EARS2: variants seen among roughly 807,000 people sequenced by gnomAD.
The protein encoded by EARS2 is glutamyl-tRNA synthetase 2, mitochondrial, also known as nondiscriminating glutamyl-tRNA synthetase EARS2, mitochondrial.
EARS2 carries 50 observed loss-of-function variants against 54.1 expected under a neutral mutation model. The observed-to-expected ratio is 0.92, with a 90% CI of 0.74 to 1.17. The LOEUF is 1.17. Ranked by LOEUF, EARS2 falls within the 50% of genes most tolerant of loss-of-function variation. The pLI is 0.00. For synonymous variants in EARS2, 298 were observed against 281.0 expected, an observed-to-expected ratio of 1.06 and a Z score of -0.61; for missense variants, 673 against 675.0, an observed-to-expected ratio of 1.00 and a Z score of 0.03.
chr16:23,541,329 A>G (rs1291460871), intron 3 of EARS2, among the ~76,000 whole-genome samples: 1 of 152,002 alleles, frequency 6.6e-6, no homozygotes, highest in Non-Finnish European at 1.5e-5. Flanking sequence ...TCCATTTCTA[A>G]AATAACACAA....
chr16:23,537,611 T>C (rs1443838576), intron 3 of EARS2: 1 of 152,136 alleles, frequency 6.6e-6, no homozygotes, highest in Non-Finnish European at 1.5e-5. Flanking sequence ...TCACTCTCGT[T>C]GATCAGGCTG....
rs566348979 is a variant in EARS2 at position 23,550,111 on chromosome 16, G to A, written c.295+2038C>T. Among the ~76,000 whole-genome samples the A allele has an allele frequency of 1.2e-4, 18 of 152,254 alleles. No homozygotes were observed. The South Asian group carries it at 3.5e-3, about 30-fold the overall frequency. On this transcript the variant is annotated intron_variant, in intron 2 of 8. Coordinates refer to ENST00000449606, the MANE Select transcript of EARS2 (RefSeq NM_001083614.2). The stretch of plus-strand genomic sequence containing the variant: ...GCGATGGTTCATGACCGTGATGCCA[G>A]CACTTTGGGAGGCCGAGGCAGGAGA...
intron 3 of EARS2, among the ~76,000 whole-genome samples, chr16:23,535,816 C>T (rs990794245): frequency 6.6e-6 from 1 of 152,108 alleles, no homozygotes; most frequent in South Asian, 2.1e-4. Flanking sequence ...GAGGAAAATC[C>T]CTTCTTAAAA....
chr16:23,528,959 A>G (rs1358482467), intron 7 of EARS2, among the ~76,000 whole-genome samples: 2 of 152,224 alleles, frequency 1.3e-5, no homozygotes, highest in African/African-American at 2.4e-5. Flanking sequence ...AGTGGTCAGC[A>G]TCGGCGAGTA....
chr16:23,538,970 C>G (rs1439915685), intron 3 of EARS2, among the ~76,000 whole-genome samples: 2 of 135,462 alleles, frequency 1.5e-5, no homozygotes, highest in Non-Finnish European at 3.1e-5. Flanking sequence ...TATGGCCCCC[C>G]TCCTTTTTTT....
rs746186859 is a variant in EARS2 at position 23,529,867 on chromosome 16, C to G, written c.1098G>C (p.Glu366Asp). ...RLHLQRLVSN[E>D]SQRRQLVGKL... Reference sequence around the variant, plus strand: ...TCCCCACCAGCTGGCGCCTCTGGCTCTCATTGCTCACCAGCCGCTGGAGGT... The same window carrying G: ...TCCCCACCAGCTGGCGCCTCTGGCTGTCATTGCTCACCAGCCGCTGGAGGT... Residue 366 changes from glutamate to aspartate, a missense_variant, in exon 6 of 9, where the codon GAG becomes GAC. Coordinates refer to ENST00000449606, the MANE Select transcript of EARS2 (RefSeq NM_001083614.2). The G allele has an allele frequency of 1.4e-5, 23 of 1,614,040 alleles. No homozygotes were observed. The highest frequency in any genetic ancestry group is 6.7e-5 in the Admixed American group (4 of 59,994).
At chr16:23,536,684 T>C (rs1183451111) in intron 3 of EARS2, among the ~76,000 whole-genome samples, 2 of 141,528 alleles carry the variant, frequency 1.4e-5, no homozygotes, top group Non-Finnish European at 3.1e-5. Flanking sequence ...TTTTTTTTCT[T>C]TTTTTTTTTT....
chr16:23,549,405 G>A (rs1218016641), intron 2 of EARS2, among the ~76,000 whole-genome samples: 2 of 152,218 alleles, frequency 1.3e-5, no homozygotes, highest in Non-Finnish European at 2.9e-5. Flanking sequence ...CATGAGCCAA[G>A]TGCAGCCTGC....
intron 3 of EARS2, among the ~76,000 whole-genome samples, chr16:23,538,885 C>A (rs574388589): frequency 6.6e-6 from 1 of 151,648 alleles, no homozygotes; most frequent in East Asian, 1.9e-4. Context: ...AGCTAACTGT[C>A]AGCTTTATTA....
chr16:23,546,547 C>A, intron 2 of EARS2: 1 of 416,970 alleles, frequency 2.4e-6, no homozygotes, highest in Non-Finnish European at 4.8e-6. Flanking sequence ...GCTCTCTATG[C>A]TTTGGTATTT....
intron 8 of EARS2, among the ~76,000 whole-genome samples, chr16:23,524,837 G>A (rs981450718): frequency 6.6e-6 from 1 of 151,994 alleles, no homozygotes; most frequent in African/African-American, 2.4e-5. Context: ...TAGAGACAAG[G>A]TTTCACCATG....
intron 2 of EARS2, 138 bp from the exon 3 acceptor site, chr16:23,544,841 C>T (rs1234387771): frequency 1.0e-4 from 83 of 800,378 alleles, no homozygotes; most frequent in East Asian, 9.6e-4. Flanking sequence ...ATGTCCTCCC[C>T]GCCGCCTTTT....
At position 23,522,047 on chromosome 16, in the gene EARS2, G is replaced by A; in HGVS notation, c.*2324C>T. On this transcript the variant is annotated 3_prime_UTR_variant, in exon 9 of 9. Transcript: ENST00000449606. ...TATAAAAAAAATTTACTGAGATGAT[G>A]GACTAAGGCATTTACGAGCATTATC... 3.1e-6 allele frequency: 1 copy of A among 326,272 alleles called. No homozygotes were observed. Among genetic ancestry groups the A allele is most frequent in the Non-Finnish European group, 6.1e-6 (1 of 163,656 alleles). The allele number at this position is 326,272 out of a possible 1,614,324, so 20.2% of individuals were successfully genotyped here. A position where few individuals can be genotyped will look rare whatever the true frequency, so the allele number is the denominator to read the frequency against.
chr16:23,523,037 T>G lies in EARS2; in HGVS notation c.*1334A>C, dbSNP rs1374211000. On this transcript the variant is annotated 3_prime_UTR_variant, in exon 9 of 9. Transcript: ENST00000449606. ...AAAGAAAACAAGACAGAAGCCACGA[T>G]GTATTTTATGACTTACCCTCAGAAG... 1.3e-5 allele frequency: 2 copies of G among 152,218 alleles called. No homozygotes were observed. Among genetic ancestry groups the G allele is most frequent in the Admixed American group, 6.5e-5 (1 of 15,274 alleles). 9.4% of individuals were successfully genotyped at this position (152,218 alleles called of 1,614,324 possible).
At chr16:23,556,755 C>T (rs1368232679) in intron 1 of EARS2, 20 of 385,440 alleles carry the variant, frequency 5.2e-5, no homozygotes, top group Non-Finnish European at 9.0e-5. Context: ...CCTTCTGGAG[C>T]GTCCTTCTTA....
intron 5 of EARS2, among the ~76,000 whole-genome samples, chr16:23,530,144 G>C (rs1965300288): frequency 6.6e-6 from 1 of 152,112 alleles, no homozygotes; most frequent in South Asian, 2.1e-4. Context: ...TTTTGTTTTT[G>C]TTTGAGAGTC....
chr16:23,554,472 A>C (rs1965744417), intron 1 of EARS2, among the ~76,000 whole-genome samples: 1 of 152,128 alleles, frequency 6.6e-6, no homozygotes, highest in Non-Finnish European at 1.5e-5. Context: ...CAGAGTTGTC[A>C]TTACCTCTTA....
rs1317649265 is a variant in EARS2, at chr16:23,524,332, G to A, written c.*39C>T. On this transcript the variant is annotated 3_prime_UTR_variant, in exon 9 of 9. Coordinates refer to ENST00000449606, the MANE Select transcript of EARS2 (RefSeq NM_001083614.2). ...CTGAAAGCTGTTTCTAAGCTCACAG[G>A]TTCTTAGGGCGATCTCCACTGCCCG... 1 of 1,577,310 alleles carries A rather than the reference G, an allele frequency of 6.3e-7. No homozygotes were observed. The highest frequency in any genetic ancestry group is 1.3e-5 in the African/African-American group (1 of 74,212).
intron 5 of EARS2, among the ~76,000 whole-genome samples, chr16:23,532,320 T>A (rs1965340145): frequency 6.6e-6 from 1 of 152,202 alleles, no homozygotes; most frequent in South Asian, 2.1e-4. Flanking sequence ...CTCCAGGCTT[T>A]GGTTGTTAAC....
Sources: allele counts gnomAD v4.1 joint callset (sites outside exome capture counted in the v4.1 genomes callset), GRCh38; gene constraint gnomAD v4.1.1; transcripts MANE v1.5; gene names NCBI Gene and HGNC (gene_info 2026-07-23, HGNC 2026-07-21).